The following FGF14 variants were observed in gnomAD, a reference collection of about 807,000 sequenced individuals.
FGF14 encodes fibroblast growth factor 14, also known as fibroblast growth factor homologous factor 4.
A neutral mutation model predicts 25.5 loss-of-function variants in FGF14; 5 were observed. The ratio of observed to expected loss-of-function variants is 0.20; its 90% CI spans 0.10 to 0.41. The LOEUF is 0.41. FGF14 is among the 10% of genes least tolerant of loss of function. The pLI is 1.00. For missense variants in FGF14, 222 were observed against 320.1 expected, an observed-to-expected ratio of 0.69 and a Z score of 2.34; for synonymous variants, 138 against 118.3, an observed-to-expected ratio of 1.17 and a Z score of -1.08.
chr13:101,777,918 C>G (rs1239275197), intron 3 of FGF14, among the ~76,000 whole-genome samples: 1 of 151,990 alleles, frequency 6.6e-6, no homozygotes, highest in African/African-American at 2.4e-5. Context: ...GAGCCGAGAT[C>G]GCACCATTGC....
intron 1 of FGF14, among the ~76,000 whole-genome samples, chr13:101,986,885 T>C (rs925558281): frequency 7.2e-5 from 11 of 152,002 alleles, no homozygotes; most frequent in African/African-American, 2.7e-4. Flanking sequence ...GACACTCTTG[T>C]CTGTCTCTTT....
intron 1 of FGF14, among the ~76,000 whole-genome samples, chr13:101,943,389 C>T (rs1290751124): frequency 3.3e-5 from 5 of 152,118 alleles, no homozygotes; most frequent in Non-Finnish European, 7.4e-5. Context: ...ATTGCCACCC[C>T]CAGGGGTAAT....
At chr13:101,784,949 A>T (rs2039717664) in intron 3 of FGF14, among the ~76,000 whole-genome samples, 1 of 152,284 alleles carries the variant, frequency 6.6e-6, no homozygotes, top group African/African-American at 2.4e-5. Context: ...GGGGCCCCAG[A>T]CATCTATTTC....
chr13:102,218,558 A>AT (rs1375270927), intron 1 of FGF14, among the ~76,000 whole-genome samples: 1 of 151,944 alleles, frequency 6.6e-6, no homozygotes, highest in Non-Finnish European at 1.5e-5. Flanking sequence ...AAATCCCATC[A>AT]TTCAGGTTGG....
intron 1 of FGF14, among the ~76,000 whole-genome samples, chr13:101,981,082 AACACACACACACACACACACAC>A (rs58666555): frequency 4.0e-5 from 5 of 123,780 alleles, no homozygotes; most frequent in East Asian, 2.8e-4. Context: ...TCTCTACTAA[AACACACACACACACACACACAC>A]ACACACACAC....
intron 3 of FGF14, among the ~76,000 whole-genome samples, chr13:101,803,898 AG>A (rs2041048261): frequency 6.6e-6 from 1 of 152,202 alleles, no homozygotes; most frequent in Non-Finnish European, 1.5e-5. Context: ...TTAATATACA[AG>A]TTTGGAGCTC....
chr13:101,975,606 G>C (rs1398470695), intron 1 of FGF14, among the ~76,000 whole-genome samples: 5 of 141,110 alleles, frequency 3.5e-5, no homozygotes, highest in African/African-American at 1.3e-4. Context: ...CTTGAGCACA[G>C]ATGAGTTACA....
chr13:101,813,801 CCTT>C lies in FGF14; in HGVS notation c.408+54921_408+54923del, dbSNP rs1181882813. Among the ~76,000 whole-genome samples the C allele has an allele frequency of 2.6e-5, 4 of 152,310 alleles. No individual in the cohort carries two copies. In the South Asian group the frequency reaches 6.2e-4, roughly 24 times the overall value. ...TAATGGAAGTTAATGTAGGTAAACTCCTTCTTCAGAACACTCTGTTCGCAGAGA... is the reference window on the plus strand; with the variant it reads ...TAATGGAAGTTAATGTAGGTAAACTCCTTCAGAACACTCTGTTCGCAGAGA... On this transcript the variant is annotated intron_variant, in intron 3 of 4. Coordinates refer to ENST00000376143, the MANE Select transcript of FGF14 (RefSeq NM_004115.4).
intron 1 of FGF14, among the ~76,000 whole-genome samples, chr13:101,985,361 C>G (rs555546059): frequency 5.9e-5 from 9 of 152,056 alleles, no homozygotes; most frequent in Non-Finnish European, 1.2e-4. Context: ...ATTATTTATA[C>G]AGAACTCATT....
intron 1 of FGF14, among the ~76,000 whole-genome samples, chr13:102,210,230 T>C (rs147863495): frequency 0.012 from 1,752 of 152,014 alleles, 35 homozygotes; most frequent in African/African-American, 0.038. Context: ...AGTATAGATA[T>C]ATTACTTTAA....
In FGF14 at chr13:102,161,623, AAGAAGAAGAAGAAGAAGAAGAAGAAG is replaced by A; in HGVS notation, c.208+239822_208+239847del. ...GAAGAAGAAGAAGAAGAAGAAGAAGAAGAAGAAGAAGAAGAAGAAGAAGAAGAAGAAGAAGAAGAAGAAGAAGAAGA... is the reference window on the plus strand; with the variant it reads ...GAAGAAGAAGAAGAAGAAGAAGAAGAAAGAAGAAGAAGAAGAAGAAGAAGA... On this transcript the variant is annotated intron_variant, in intron 1 of 4. Transcript: ENST00000376131. Among the ~76,000 whole-genome samples, 27 of 19,370 alleles carry A rather than the reference AAGAAGAAGAAGAAGAAGAAGAAGAAG, an allele frequency of 1.4e-3. 2 individuals are homozygous for A. The highest frequency in any genetic ancestry group is 6.2e-3 in the African/African-American group (20 of 3,222). 12.7% of individuals were successfully genotyped at this position (19,370 alleles called of 152,430 possible).
At chr13:101,958,026 ATAAATTACAG>A (rs2036615071) in intron 1 of FGF14, among the ~76,000 whole-genome samples, 2 of 152,258 alleles carry the variant, frequency 1.3e-5, no homozygotes. Context: ...AAAATGTACT[ATAAATTACAG>A]TAAATAAAAC....
At chr13:102,193,883 G>A (rs2049229455) in intron 1 of FGF14, among the ~76,000 whole-genome samples, 2 of 125,398 alleles carry the variant, frequency 1.6e-5, no homozygotes, top group Middle Eastern at 3.9e-3. Context: ...AAAACAAGGG[G>A]ATAAAATCAG....
intron 3 of FGF14, among the ~76,000 whole-genome samples, chr13:101,741,697 T>G (rs1248237213): frequency 6.6e-6 from 1 of 152,144 alleles, no homozygotes; most frequent in Non-Finnish European, 1.5e-5. Context: ...CTATATACTT[T>G]GATTCTATTC....
upstream of FGF14, among the ~76,000 whole-genome samples, chr13:101,919,186 A>G (rs1391561193): frequency 6.6e-6 from 1 of 152,164 alleles, no homozygotes; most frequent in Non-Finnish European, 1.5e-5. Flanking sequence ...CCTACTGAAC[A>G]TTAAGAGTCA....
intron 1 of FGF14, among the ~76,000 whole-genome samples, chr13:102,091,601 T>A (rs9518622): frequency 1.3e-5 from 2 of 151,962 alleles, no homozygotes; most frequent in Non-Finnish European, 2.9e-5. Flanking sequence ...AGGTCTGGAT[T>A]CCAGCTTCAT....
At chr13:101,997,438 A>C (rs2039243057) in intron 1 of FGF14, among the ~76,000 whole-genome samples, 2 of 152,210 alleles carry the variant, frequency 1.3e-5, no homozygotes, top group Non-Finnish European at 2.9e-5. Context: ...TAAAATTATT[A>C]ATGCTAAGAC....
intron 1 of FGF14, among the ~76,000 whole-genome samples, chr13:102,068,444 G>A (rs1030768010): frequency 1.3e-5 from 2 of 152,342 alleles, no homozygotes; most frequent in African/African-American, 4.8e-5. Context: ...GGCCAGAGTC[G>A]TCTTCCTCAG....
chr13:101,747,973 C>T (rs1375814291), intron 3 of FGF14, among the ~76,000 whole-genome samples: 4 of 151,850 alleles, frequency 2.6e-5, no homozygotes, highest in South Asian at 2.1e-4. Flanking sequence ...ATGAAGGTGT[C>T]GGAGAGGATG....
Sources: gnomAD v4.1 joint callset for allele counts (sites outside exome capture counted in the v4.1 genomes callset) on GRCh38, gnomAD v4.1.1 for gene constraint, MANE v1.5 for transcripts, NCBI Gene and HGNC (gene_info 2026-07-23, HGNC 2026-07-21) for gene names.